The following LRRC53 variants were observed in gnomAD, a reference collection of about 807,000 sequenced individuals.
The protein encoded by LRRC53 is leucine-rich repeat-containing protein 53.
In LRRC53, 25 loss-of-function variants were observed where a neutral mutation model predicts 13.6. The observed-to-expected ratio is 1.83, with a 90% CI of 1.34 to 2.56. The LOEUF is 2.56. LRRC53 is among the 30% of genes most tolerant of loss of function. The probability of loss-of-function intolerance (pLI) is 0.00; values close to 1 mark genes in which losing one functional copy is unlikely to be tolerated. For missense variants in LRRC53, 527 were observed against 275.8 expected (o/e 1.91, Z -6.45); for synonymous variants, 204 against 109.8 (o/e 1.86, Z -5.37).
At chr1:74,488,536 A>T (rs540214886) in intron 1 of LRRC53, among the ~76,000 whole-genome samples, 1 of 152,238 alleles carries the variant, frequency 6.6e-6, no homozygotes, top group Non-Finnish European at 1.5e-5. Flanking sequence ...AACATTTTCT[A>T]AAATTCCAAG....
chr1:74,536,778 C>T, the LRRC53 span, among the ~76,000 whole-genome samples: 2 of 152,116 alleles, frequency 1.3e-5, no homozygotes, highest in African/African-American at 2.4e-5. Flanking sequence ...TGTTGAAATA[C>T]TTGCAAAATT....
At chr1:74,500,976 T>G (rs1334185138) in intron 1 of LRRC53, among the ~76,000 whole-genome samples, 2 of 152,206 alleles carry the variant, frequency 1.3e-5, no homozygotes, top group African/African-American at 4.8e-5. Context: ...ACTTGTGATA[T>G]ATTATGTTTC....
chr1:74,501,771 G>A (rs1450784005), intron 1 of LRRC53, among the ~76,000 whole-genome samples: 1 of 152,072 alleles, frequency 6.6e-6, no homozygotes, highest in African/African-American at 2.4e-5. Flanking sequence ...ACAAGCATGA[G>A]CCACCGCATC....
rs192178070 is a variant in LRRC53, at chr1:74,490,500, C to G, written c.-26-7125G>C. Among the ~76,000 whole-genome samples the G allele has an allele frequency of 1.1e-4, 16 of 152,270 alleles. No homozygotes were observed. In the East Asian group the frequency reaches 3.1e-3, roughly 29 times the overall value. On this transcript the variant is annotated intron_variant, in intron 1 of 4. Transcript: ENST00000294635. ...ATAGGATCTACAAACATGATAGGAT[C>G]TACTAAACTAGCTTGTCTTATTGTA...
rs561290319 is a variant in LRRC53, at chr1:74,500,603, C to CAAAAAAAA, written c.-27+11915_-27+11922dup. Among the ~76,000 whole-genome samples, 8 of 43,290 alleles carry CAAAAAAAA rather than the reference C, an allele frequency of 1.8e-4. 1 individual carries two copies. Among genetic ancestry groups the CAAAAAAAA allele is most frequent in the Non-Finnish European group, 2.2e-4 (5 of 23,248 alleles). The allele number at this position is 43,290 out of a possible 152,430, so 28.4% of individuals were successfully genotyped here. A position where few individuals can be genotyped will look rare whatever the true frequency, so the allele number is the denominator to read the frequency against. ...TGGGCGACAGAGCGAGACTCCGTCTCAAAAAAAAAAAAAAAAAAAAAAAAA... is the reference window on the plus strand; with the variant it reads ...TGGGCGACAGAGCGAGACTCCGTCTCAAAAAAAAAAAAAAAAAAAAAAAAAAAAAAAAA... On this transcript the variant is annotated intron_variant, in intron 1 of 4. Coordinates refer to ENST00000294635, the MANE Select transcript of LRRC53 (RefSeq NM_001382280.1).
chr1:74,475,558 G>A lies in LRRC53; in HGVS notation c.1157C>T (p.Ala386Val), dbSNP rs45454994. The change falls in exon 4 of 5, where the codon GCA (alanine) becomes GTA (valine). Residue 386 changes from alanine (A) to valine (V), a missense_variant. Coordinates refer to ENST00000294635, the MANE Select transcript of LRRC53 (RefSeq NM_001382280.1). ...MPLLQENSHQ[A>V]TSASESATLD... is the part of the protein sequence containing the mutation. The stretch of plus-strand genomic sequence containing the variant: ...GGTTGCAGACTCAGAGGCCGATGTT[G>A]CTTGATGGCTATTTTCCTGTAAAAG... 3,884 of 717,386 alleles carry A rather than the reference G, an allele frequency of 5.4e-3. 96 individuals carry two copies. In the African/African-American group the frequency reaches 0.059, roughly 11 times the overall value. 44.4% of individuals were successfully genotyped at this position (717,386 alleles called of 1,614,324 possible).
chr1:74,535,294 G>A, the LRRC53 span, among the ~76,000 whole-genome samples: 1 of 151,888 alleles, frequency 6.6e-6, no homozygotes, highest in East Asian at 1.9e-4. Context: ...ACATGATGAA[G>A]CCCCATCTCT....
At chr1:74,492,370 G>C in intron 1 of LRRC53, 1 of 1,302,686 alleles carries the variant, frequency 7.7e-7, no homozygotes, top group Non-Finnish European at 9.9e-7. Flanking sequence ...ATTACCCCCT[G>C]AAAAACTTTG....
chr1:74,473,644 T>A (rs910770151), intron 4 of LRRC53, among the ~76,000 whole-genome samples: 3 of 152,032 alleles, frequency 2.0e-5, no homozygotes, highest in Non-Finnish European at 4.4e-5. Flanking sequence ...TCTCCAATTT[T>A]CCCCAAGAGG....
At chr1:74,480,031 C>T (rs1668401145) in intron 3 of LRRC53, 122 bp downstream of exon 3, 2 of 609,406 alleles carry the variant, frequency 3.3e-6, no homozygotes, top group East Asian at 5.5e-5. Context: ...CCCACATCTA[C>T]TGGCAACCTC....
intron 1 of LRRC53, among the ~76,000 whole-genome samples, chr1:74,484,777 G>A (rs999289999): frequency 6.6e-5 from 10 of 152,206 alleles, no homozygotes; most frequent in Middle Eastern, 3.4e-3. Flanking sequence ...AAGACATAGC[G>A]TTTTAACCCA....
At chr1:74,537,026 C>A in the LRRC53 span, among the ~76,000 whole-genome samples, 1 of 152,136 alleles carries the variant, frequency 6.6e-6, no homozygotes, top group Non-Finnish European at 1.5e-5. Flanking sequence ...GGGTAGCTTC[C>A]ATCTGTCTGT....
In LRRC53 at chr1:74,472,192, C is replaced by T; in HGVS notation, c.1430G>A (p.Ser477Asn). 1.4e-6 allele frequency: 1 copy of T among 716,738 alleles called. No individual in the cohort carries two copies. Among genetic ancestry groups the T allele is most frequent in the Non-Finnish European group, 2.6e-6 (1 of 384,632 alleles). The allele number at this position is 716,738 out of a possible 1,614,324, so 44.4% of individuals were successfully genotyped here. Residue 477 changes from serine to asparagine, a missense_variant, in exon 5 of 5, where the codon AGT (serine) becomes AAT (asparagine). Physicochemically the swap from Ser to Asn is conservative, Grantham distance 46 (BLOSUM62 1). Coordinates refer to ENST00000294635, the MANE Select transcript of LRRC53 (RefSeq NM_001382280.1). ...TGCATATCTTCTTCTAAATATGTCA[C>T]TGCTGATATCTGTGGAACAATAAAT... ...HHIIRTEDISSDIFRRRYATP... is the reference protein window; with the variant it reads ...HHIIRTEDISNDIFRRRYATP...
At chr1:74,502,619 A>G (rs1669690826) in intron 1 of LRRC53, among the ~76,000 whole-genome samples, 1 of 152,064 alleles carries the variant, frequency 6.6e-6, no homozygotes, top group Admixed American at 6.6e-5. Context: ...GTACTGAACT[A>G]CCTCGCACTT....
chr1:74,491,154 C>T (rs1171797533), intron 1 of LRRC53, among the ~76,000 whole-genome samples: 1 of 152,062 alleles, frequency 6.6e-6, no homozygotes, highest in Admixed American at 6.6e-5. Context: ...AACATGAAAA[C>T]CGGTTGAAGG....
chr1:74,507,320 A>C (rs1429134173), intron 1 of LRRC53, among the ~76,000 whole-genome samples: 1 of 150,984 alleles, frequency 6.6e-6, no homozygotes, highest in Non-Finnish European at 1.5e-5. Context: ...TGTCCTAAAT[A>C]CCCTCAACTA....
At chr1:74,532,080 A>G in the LRRC53 span, among the ~76,000 whole-genome samples, 2 of 152,346 alleles carry the variant, frequency 1.3e-5, no homozygotes, top group South Asian at 4.1e-4. Flanking sequence ...TGCTCAACAT[A>G]GCCCAGGCTG....
chr1:74,532,065 T>G, the LRRC53 span, among the ~76,000 whole-genome samples: 73 of 152,258 alleles, frequency 4.8e-4, no homozygotes, highest in African/African-American at 1.6e-3. Context: ...AACCTAATGG[T>G]TTTCTGCTCA....
chr1:74,489,001 G>A (rs1356177845), intron 1 of LRRC53, among the ~76,000 whole-genome samples: 2 of 152,126 alleles, frequency 1.3e-5, no homozygotes, highest in Non-Finnish European at 2.9e-5. Context: ...ATCAGAGGGA[G>A]ACTCAACATC....
Sources: allele counts gnomAD v4.1 joint callset (sites outside exome capture counted in the v4.1 genomes callset), GRCh38; gene constraint gnomAD v4.1.1; transcripts MANE v1.5; gene names NCBI Gene and HGNC (gene_info 2026-07-23, HGNC 2026-07-21).